The following FSHR variants were observed in gnomAD, a reference collection of about 807,000 sequenced individuals.
FSHR encodes the protein follicle stimulating hormone receptor.
A neutral mutation model predicts 52.1 loss-of-function variants in FSHR; 46 were observed. That is an observed-to-expected ratio of 0.88 (90% CI 0.70 to 1.13). The LOEUF (loss-of-function observed/expected upper bound fraction) is 1.13, where lower values mean the gene tolerates loss of function less well. Ranked by LOEUF, FSHR falls within the 50% of genes most tolerant of loss-of-function variation. The pLI is 0.00. For synonymous variants in FSHR, 399 were observed against 309.6 expected, an observed-to-expected ratio of 1.29 and a Z score of -3.03; for missense variants, 964 against 834.6, an observed-to-expected ratio of 1.16 and a Z score of -1.91.
intron 1 of FSHR, among the ~76,000 whole-genome samples, chr2:49,080,107 T>C (rs1670111597): frequency 6.6e-6 from 1 of 152,176 alleles, no homozygotes; most frequent in Admixed American, 6.5e-5. Flanking sequence ...AAAGAAGATG[T>C]TCATCTTCAG....
chr2:48,971,061 T>A (rs890698498), intron 8 of FSHR, among the ~76,000 whole-genome samples: 1 of 152,206 alleles, frequency 6.6e-6, no homozygotes, highest in Non-Finnish European at 1.5e-5. Context: ...CCTATTAGAT[T>A]GTGACTTCCT....
intron 8 of FSHR, 95 bp from the exon 9 acceptor site, chr2:48,968,978 T>G: frequency 9.1e-7 from 1 of 1,098,508 alleles, no homozygotes; most frequent in Non-Finnish European, 1.3e-6. Context: ...ACTAGTGATA[T>G]TCTTACATGG....
In FSHR at chr2:48,968,567, G is replaced by C. The variant is rs1674584704; in HGVS notation, c.854+131C>G. On this transcript the variant is annotated intron_variant, in intron 9 of 9. Coordinates refer to ENST00000406846, the MANE Select transcript of FSHR (RefSeq NM_000145.4). ...CTCCATGAACTGAATTTTTGACCCAGAATGTGCCAAAGGGCTTGAGACAGG... is the reference window on the plus strand; with the variant it reads ...CTCCATGAACTGAATTTTTGACCCACAATGTGCCAAAGGGCTTGAGACAGG... 1.1e-5 allele frequency: 12 copies of C among 1,069,738 alleles called. No individual in the cohort carries two copies. In the South Asian group the frequency reaches 1.6e-4, roughly 15 times the overall value. 66.3% of individuals were successfully genotyped at this position (1,069,738 alleles called of 1,614,324 possible). A position where few individuals can be genotyped will look rare whatever the true frequency, so the allele number is the denominator to read the frequency against.
intron 1 of FSHR, among the ~76,000 whole-genome samples, chr2:49,109,439 C>G (rs892509543): frequency 3.9e-5 from 6 of 152,128 alleles, no homozygotes; most frequent in African/African-American, 1.4e-4. Flanking sequence ...CTCTTTCATA[C>G]AGATAATTCT....
chr2:49,152,885 T>C (rs553157157), intron 1 of FSHR, among the ~76,000 whole-genome samples: 92 of 152,370 alleles, frequency 6.0e-4, no homozygotes, highest in African/African-American at 2.0e-3. Context: ...AAATGACTTA[T>C]AGGAGCTCAG....
chr2:49,040,233 T>G (rs998375645), intron 2 of FSHR, among the ~76,000 whole-genome samples: 3 of 152,188 alleles, frequency 2.0e-5, no homozygotes. Flanking sequence ...ATAAAGTGTT[T>G]CAGAAGTGGC....
intron 1 of FSHR, among the ~76,000 whole-genome samples, chr2:49,087,477 G>C (rs1387454536): frequency 1.3e-5 from 2 of 152,100 alleles, no homozygotes; most frequent in Non-Finnish European, 2.9e-5. Flanking sequence ...CACTGCGCTA[G>C]GCCCTGAGGA....
chr2:49,013,513 T>TATAAATATATATAAAAATATATATATAA, intron 4 of FSHR, among the ~76,000 whole-genome samples: 1 of 136,572 alleles, frequency 7.3e-6, no homozygotes, highest in East Asian at 2.1e-4. Flanking sequence ...TATATATATA[T>TATAAATATATATAAAAATATATATATAA]ATAAATATAT....
intron 4 of FSHR, among the ~76,000 whole-genome samples, chr2:49,011,734 T>G (rs370424554): frequency 1.5e-4 from 23 of 152,260 alleles, no homozygotes; most frequent in African/African-American, 5.3e-4. Flanking sequence ...GGGAAGCAGC[T>G]GAGACCTGTG....
chr2:48,969,702 G>A (rs1459148743), intron 8 of FSHR, among the ~76,000 whole-genome samples: 1 of 152,206 alleles, frequency 6.6e-6, no homozygotes, highest in Non-Finnish European at 1.5e-5. Flanking sequence ...AGTTGTTCTT[G>A]TTTGGTAGGA....
chr2:49,145,736 C>T (rs1446590557), intron 1 of FSHR, among the ~76,000 whole-genome samples: 1 of 152,078 alleles, frequency 6.6e-6, no homozygotes, highest in Non-Finnish European at 1.5e-5. Flanking sequence ...GGACAGGGAT[C>T]TTGCCTTTCC....
intron 1 of FSHR, among the ~76,000 whole-genome samples, chr2:49,150,016 C>T (rs558629778): frequency 6.6e-6 from 1 of 152,142 alleles, no homozygotes; most frequent in East Asian, 1.9e-4. Flanking sequence ...CATACTGTTG[C>T]CTAGACTTCA....
intron 4 of FSHR, among the ~76,000 whole-genome samples, chr2:49,013,420 A>C (rs1251284222): frequency 6.8e-6 from 1 of 148,130 alleles, no homozygotes; most frequent in African/African-American, 2.5e-5. Flanking sequence ...CAGTTTGGAA[A>C]ATATTTCAAA....
intron 2 of FSHR, among the ~76,000 whole-genome samples, chr2:49,041,341 G>C (rs1668475066): frequency 6.6e-6 from 1 of 152,152 alleles, no homozygotes. Flanking sequence ...CGCCTTTGCT[G>C]TTTCTGAAAA....
chr2:49,098,089 A>C (rs986711201), intron 1 of FSHR, among the ~76,000 whole-genome samples: 11 of 152,178 alleles, frequency 7.2e-5, no homozygotes, highest in African/African-American at 2.4e-4. Flanking sequence ...GATTATCCCA[A>C]ATAATTTATT....
chr2:49,038,658 A>AT (rs1668380265), intron 2 of FSHR, among the ~76,000 whole-genome samples: 3 of 146,656 alleles, frequency 2.0e-5, no homozygotes, highest in Non-Finnish European at 4.5e-5. Context: ...AATAATAATA[A>AT]TAATAATAAT....
chr2:49,016,749 A>G (rs548229345), intron 4 of FSHR, among the ~76,000 whole-genome samples: 53 of 152,190 alleles, frequency 3.5e-4, no homozygotes, highest in Non-Finnish European at 4.4e-5. Flanking sequence ...ATGCATGATT[A>G]TGATGCTAAT....
intron 2 of FSHR, among the ~76,000 whole-genome samples, chr2:49,042,126 A>G (rs1473430318): frequency 1.5e-4 from 23 of 152,296 alleles, no homozygotes. Context: ...GTATATAGCC[A>G]TTCATTTTAG....
At chr2:49,029,515 T>C (rs1191725482) in intron 2 of FSHR, among the ~76,000 whole-genome samples, 1 of 152,204 alleles carries the variant, frequency 6.6e-6, no homozygotes, top group Non-Finnish European at 1.5e-5. Context: ...CTTCATCACT[T>C]TGGCAAATCA....
Sources: gnomAD v4.1 joint callset for allele counts (sites outside exome capture counted in the v4.1 genomes callset) on GRCh38, gnomAD v4.1.1 for gene constraint, MANE v1.5 for transcripts, NCBI Gene and HGNC (gene_info 2026-07-23, HGNC 2026-07-21) for gene names.